WASF3: variants seen among roughly 807,000 people sequenced by gnomAD.
WASF3 encodes the protein WASP family member 3.
A neutral mutation model predicts 46.6 loss-of-function variants in WASF3; 11 were observed. The ratio of observed to expected loss-of-function variants is 0.24; its 90% CI spans 0.15 to 0.39. WASF3 has a LOEUF of 0.39. WASF3 is among the 10% of genes least tolerant of loss of function. The probability of loss-of-function intolerance (pLI) is 1.00; values close to 1 mark genes in which losing one functional copy is unlikely to be tolerated. For missense variants in WASF3, 576 were observed against 669.8 expected, an observed-to-expected ratio of 0.86 and a Z score of 1.55; for synonymous variants, 242 against 259.7, an observed-to-expected ratio of 0.93 and a Z score of 0.65.
chr13:26,676,811 G>C, intron 7 of WASF3, 87 bp downstream of exon 7: 1 of 1,331,302 alleles, frequency 7.5e-7, no homozygotes. Flanking sequence ...TGCATCAATA[G>C]CTTCGGGGTT....
chr13:26,596,161 G>T (rs1880454814), intron 1 of WASF3, among the ~76,000 whole-genome samples: 1 of 117,858 alleles, frequency 8.5e-6, no homozygotes. Context: ...TATTATCACT[G>T]TTTATTTTAA....
chr13:26,632,085 G>C (rs1454894544), intron 2 of WASF3, among the ~76,000 whole-genome samples: 1 of 152,212 alleles, frequency 6.6e-6, no homozygotes, highest in African/African-American at 2.4e-5. Context: ...GAGACGATGG[G>C]GTTTTCTAAA....
chr13:26,545,615 A>AT, the WASF3 span, among the ~76,000 whole-genome samples: 1 of 151,968 alleles, frequency 6.6e-6, no homozygotes, highest in Non-Finnish European at 1.5e-5. Context: ...TATGTATTTA[A>AT]TTTTTTTAGA....
At chr13:26,540,743 C>G in the WASF3 span, among the ~76,000 whole-genome samples, 1 of 152,200 alleles carries the variant, frequency 6.6e-6, no homozygotes, top group African/African-American at 2.4e-5. Context: ...TTCCTTGGTT[C>G]AGACCCCAAA....
chr13:26,580,749 C>G (rs1879954876), intron 1 of WASF3, among the ~76,000 whole-genome samples: 1 of 151,560 alleles, frequency 6.6e-6, no homozygotes, highest in Non-Finnish European at 1.5e-5. Context: ...CCTCAGCCTC[C>G]CGAGTAGCTG....
chr13:26,630,951 A>G (rs1231373852), intron 2 of WASF3, among the ~76,000 whole-genome samples: 1 of 152,164 alleles, frequency 6.6e-6, no homozygotes, highest in Non-Finnish European at 1.5e-5. Context: ...GGCTGCATAA[A>G]TGTCTTCTTT....
intron 9 of WASF3, among the ~76,000 whole-genome samples, chr13:26,685,352 A>G (rs1244235120): frequency 6.6e-6 from 1 of 152,178 alleles, no homozygotes; most frequent in Non-Finnish European, 1.5e-5. Context: ...CACTAGCCAC[A>G]TGTCAGTTCA....
At chr13:26,549,551 AC>A in the WASF3 span, among the ~76,000 whole-genome samples, 1 of 152,170 alleles carries the variant, frequency 6.6e-6, no homozygotes, top group African/African-American at 2.4e-5. Context: ...ACAAAGAATG[AC>A]CCAGACTGGG....
the WASF3 span, among the ~76,000 whole-genome samples, chr13:26,543,855 C>T: frequency 6.6e-6 from 1 of 152,176 alleles, no homozygotes; most frequent in Admixed American, 6.5e-5. Flanking sequence ...CAAGGCTTCA[C>T]TGCAATAATC....
upstream of WASF3, among the ~76,000 whole-genome samples, chr13:26,554,077 T>C (rs1348285663): frequency 2.8e-4 from 31 of 110,226 alleles, 1 homozygote; most frequent in African/African-American, 1.1e-3. Flanking sequence ...CCTTCCTTCC[T>C]TCCTTCCTTC....
chr13:26,625,537 A>AAG (rs144812584), intron 2 of WASF3, among the ~76,000 whole-genome samples: 14 of 151,052 alleles, frequency 9.3e-5, no homozygotes, highest in East Asian at 3.9e-4. Flanking sequence ...CCAACTTAAG[A>AAG]AGAGAGAGAG....
chr13:26,632,075 G>A (rs1395711658), intron 2 of WASF3, among the ~76,000 whole-genome samples: 2 of 152,210 alleles, frequency 1.3e-5, no homozygotes, highest in Non-Finnish European at 2.9e-5. Context: ...ATTTTGGGCT[G>A]AGACGATGGG....
At chr13:26,552,379 G>A in the WASF3 span, among the ~76,000 whole-genome samples, 1 of 152,110 alleles carries the variant, frequency 6.6e-6, no homozygotes, top group Non-Finnish European at 1.5e-5. Flanking sequence ...ATACTGCCTT[G>A]CTCTGATGAG....
chr13:26,588,560 T>C (rs1440986516), intron 1 of WASF3, among the ~76,000 whole-genome samples: 2 of 152,216 alleles, frequency 1.3e-5, no homozygotes, highest in Non-Finnish European at 2.9e-5. Flanking sequence ...GTTTCAGTTA[T>C]CATCACAGAT....
chr13:26,610,572 A>G (rs1177284234), intron 1 of WASF3, among the ~76,000 whole-genome samples: 4 of 152,058 alleles, frequency 2.6e-5, no homozygotes, highest in African/African-American at 7.2e-5. Context: ...AAGGCAAGAG[A>G]CCTTTGGATA....
At chr13:26,541,275 T>C in the WASF3 span, among the ~76,000 whole-genome samples, 4 of 151,994 alleles carry the variant, frequency 2.6e-5, no homozygotes, top group African/African-American at 9.7e-5. Context: ...GGGCGCCAAA[T>C]CTCGAGGGCA....
chr13:26,623,532 C>G (rs1041444334), intron 2 of WASF3, among the ~76,000 whole-genome samples: 17 of 152,238 alleles, frequency 1.1e-4, no homozygotes. Flanking sequence ...GACTCTTAGG[C>G]TCATAATCTT....
At chr13:26,646,290 G>A (rs1476752222) in intron 3 of WASF3, among the ~76,000 whole-genome samples, 3 of 152,108 alleles carry the variant, frequency 2.0e-5, no homozygotes, top group Non-Finnish European at 4.4e-5. Context: ...GAATGTAAAG[G>A]AATGTTTTTA....
chr13:26,576,163 A>C (rs964044669), intron 1 of WASF3, among the ~76,000 whole-genome samples: 2 of 151,878 alleles, frequency 1.3e-5, no homozygotes, highest in Non-Finnish European at 2.9e-5. Flanking sequence ...ACTTCTTTTT[A>C]AATTTCACTT....
Sources: gnomAD v4.1 joint callset for allele counts (sites outside exome capture counted in the v4.1 genomes callset) on GRCh38, gnomAD v4.1.1 for gene constraint, MANE v1.5 for transcripts, NCBI Gene and HGNC (gene_info 2026-07-23, HGNC 2026-07-21) for gene names.